Variants in PI4KA observed in about 807,000 individuals in gnomAD.
PI4KA encodes phosphatidylinositol 4-kinase alpha.
A neutral mutation model predicts 271.4 loss-of-function variants in PI4KA; 122 were observed. The ratio of observed to expected loss-of-function variants is 0.45; its 90% CI spans 0.39 to 0.52. The LOEUF (loss-of-function observed/expected upper bound fraction) is 0.52. Among genes scored for constraint, PI4KA ranks in the 20% least tolerant of loss-of-function variants. The pLI is 0.00. For synonymous variants in PI4KA, 1,041 were observed against 1,078.8 expected (o/e 0.96, Z 0.69); for missense variants, 1,969 against 2,769.1 (o/e 0.71, Z 6.48).
At chr22:20,719,654 A>C (rs1407900712) in intron 43 of PI4KA, among the ~76,000 whole-genome samples, 3 of 152,052 alleles carry the variant, frequency 2.0e-5, no homozygotes, top group Admixed American at 2.0e-4. Context: ...AACAAAAAAT[A>C]AATCTTCCAC....
intron 14 of PI4KA, 116 bp downstream of exon 14, chr22:20,801,857 G>A: frequency 8.6e-7 from 1 of 1,166,822 alleles, no homozygotes; most frequent in Non-Finnish European, 1.2e-6. Context: ...CTGCATTCCA[G>A]CCTGGGCAAC....
intron 7 of PI4KA, among the ~76,000 whole-genome samples, chr22:20,815,379 C>CAAAAAA (rs361826): frequency 4.7e-4 from 39 of 83,852 alleles, no homozygotes; most frequent in African/African-American, 6.7e-4. Context: ...GACTGCGTCT[C>CAAAAAA]AAAAAAAAAA....
chr22:20,803,268 G>A lies in PI4KA; in HGVS notation c.1514C>T (p.Pro505Leu), dbSNP rs779385030. ...GATGACCAGGAAGTCTCGCAAGGAC[G>A]GTGTCACAGAGTGCACCACCACCGG... The part of the protein sequence containing the change: ...RFPVVVHSVT[P>L]SLRDFLVIPS... The change falls in exon 13 of 55, where the codon CCG (proline) becomes CTG (leucine). Residue 505 changes from proline (P) to leucine (L), a missense_variant. Pro to Leu is a moderately conservative substitution (Grantham distance 98, BLOSUM62 -3). Around this residue, in one of 13 missense-constraint regions of PI4KA, gnomAD observed 228 missense variants for 261.6 expected, o/e 0.87. Coordinates refer to ENST00000255882, the MANE Select transcript of PI4KA (RefSeq NM_058004.4). The A allele has an allele frequency of 1.8e-5, 29 of 1,614,012 alleles. No homozygotes were observed. Among genetic ancestry groups the A allele is most frequent in the Middle Eastern group, 1.6e-4 (1 of 6,062 alleles).
In PI4KA at chr22:20,742,690, T is replaced by C; in HGVS notation, c.3531A>G (p.Leu1177=). 2 of 1,614,168 alleles carry C rather than the reference T, an allele frequency of 1.2e-6. No homozygotes were observed. Among genetic ancestry groups the C allele is most frequent in the Non-Finnish European group, 1.7e-6 (2 of 1,179,980 alleles). The part of the protein sequence containing the change: ...SDLNKMMVQD[L]HSALDRSHPQ... The stretch of plus-strand genomic sequence containing the variant: ...GATGACTGCGGTCTAAAGCTGAATG[T>C]AGATCCTGGACCATCATTTTGTTCA... Residue 1177 remains leucine (L), a synonymous_variant, in exon 31 of 55, where the codon CTA becomes CTG. Transcript: ENST00000255882.
chr22:20,786,965 G>C (rs1307094838), intron 19 of PI4KA: 8 of 1,614,062 alleles, frequency 5.0e-6, no homozygotes, highest in Admixed American at 3.3e-5. Flanking sequence ...GTCCACCCAA[G>C]TCCGCTTCAC....
rs142318994 is a variant in PI4KA at position 20,834,640 on chromosome 22, C to T, written c.289G>A (p.Val97Ile). 49 of 1,599,900 alleles carry T rather than the reference C, an allele frequency of 3.1e-5. No individual in the cohort carries two copies. Among genetic ancestry groups the T allele is most frequent in the South Asian group, 4.4e-5 (4 of 90,634 alleles). Residue 97 changes from valine (V) to isoleucine (I), a missense_variant, in exon 3 of 55, where the codon GTT becomes ATT. Around this residue, in one of 13 missense-constraint regions of PI4KA, gnomAD observed 540 missense variants for 555.5 expected, o/e 0.97. Coordinates refer to ENST00000255882, the MANE Select transcript of PI4KA (RefSeq NM_058004.4). ...ESDLQHKDCV[V>I]PYLLRLLKGL... The stretch of plus-strand genomic sequence containing the variant: ...TTGAGAAGTCGAAGAAGGTAAGGAA[C>T]CACACAATCTTTGTGCTAAAAAATA...
rs1455283112 is a variant in PI4KA at position 20,744,648 on chromosome 22, G to A, written c.3436C>T (p.Arg1146Cys). The A allele has an allele frequency of 3.7e-6, 6 of 1,613,956 alleles. No homozygotes were observed. The highest frequency in any genetic ancestry group is 1.1e-5 in the South Asian group (1 of 91,076). Residue 1146 changes from arginine (R) to cysteine (C), a missense_variant, in exon 30 of 55, where the codon CGC becomes TGC. By Grantham distance (180) the Arg-to-Cys change is radical. This residue lies in a region of PI4KA where 203 missense variants were observed against 256.8 expected (regional missense o/e 0.79). Transcript: ENST00000255882. ...YSNFMASLNL[R>C]NRYAGEVYGM... ...AGCACCTCGCCCGCGTAGCGGTTGC[G>A]CAGATTCAGGGATGCCATGAAGTTG...
At chr22:20,841,106 C>G (rs1297032284) in intron 1 of PI4KA, among the ~76,000 whole-genome samples, 1 of 152,174 alleles carries the variant, frequency 6.6e-6, no homozygotes, top group Non-Finnish European at 1.5e-5. Flanking sequence ...TCTCGAACTC[C>G]TTATCTCAGG....
chr22:20,783,011 CATATGTAAAAGAGGG>C (rs1361835985), intron 19 of PI4KA, among the ~76,000 whole-genome samples: 2 of 152,138 alleles, frequency 1.3e-5, no homozygotes, highest in Non-Finnish European at 2.9e-5. Flanking sequence ...TCTGTTTCCT[CATATGTAAAAGAGGG>C]ATAACAAAAC....
intron 43 of PI4KA, among the ~76,000 whole-genome samples, chr22:20,720,466 C>A (rs1015936093): frequency 6.6e-6 from 1 of 152,074 alleles, no homozygotes; most frequent in South Asian, 2.1e-4. Flanking sequence ...GCAGGAGGAT[C>A]GCTTAAGCCC....
chr22:20,720,283 T>C (rs987617427), intron 43 of PI4KA, among the ~76,000 whole-genome samples: 23 of 151,952 alleles, frequency 1.5e-4, no homozygotes, highest in Admixed American at 1.1e-3. Flanking sequence ...GCAATTAACC[T>C]TTTTTTTGGC....
At chr22:20,791,555 G>A (rs528249841) in intron 19 of PI4KA, among the ~76,000 whole-genome samples, 11 of 152,066 alleles carry the variant, frequency 7.2e-5, no homozygotes, top group Non-Finnish European at 1.2e-4. Flanking sequence ...TCAGAAGTTC[G>A]AGACAAGCCT....
chr22:20,742,437 C>T (rs1355942330), intron 31 of PI4KA, 82 bp from the exon 32 acceptor site: 1 of 1,572,832 alleles, frequency 6.4e-7, no homozygotes, highest in Admixed American at 1.8e-5. Flanking sequence ...CAAGAGTTGA[C>T]CAGCTGGGGC....
intron 19 of PI4KA, among the ~76,000 whole-genome samples, chr22:20,767,742 C>G (rs1049772301): frequency 1.3e-5 from 2 of 151,846 alleles, no homozygotes; most frequent in Non-Finnish European, 2.9e-5. Flanking sequence ...TAAAGCAATT[C>G]TCCTGCCTCA....
chr22:20,790,146 T>C (rs1033176635), intron 19 of PI4KA, among the ~76,000 whole-genome samples: 6 of 152,096 alleles, frequency 3.9e-5, no homozygotes, highest in Non-Finnish European at 7.4e-5. Flanking sequence ...GGTACAAAGA[T>C]CACCAAATCT....
At position 20,718,746 on chromosome 22, in the gene PI4KA, G is replaced by A. The variant is rs764959459; in HGVS notation, c.5193C>T (p.Tyr1731=). ...TGTTAAAGAAATCAAACTCCCGCTG[G>A]TAAAAGTCCTTCGCTGGGCCGGACA... ...GSLSGPAKDF[Y]QREFDFFNKI... Residue 1731 remains tyrosine (Y), a synonymous_variant, in exon 44 of 55, where the codon TAC becomes TAT. Coordinates refer to ENST00000255882, the MANE Select transcript of PI4KA (RefSeq NM_058004.4). 9 of 1,613,990 alleles carry A rather than the reference G, an allele frequency of 5.6e-6. No individual in the cohort carries two copies. The Admixed American group carries it at 1.5e-4, about 27-fold the overall frequency.
At chr22:20,809,892 G>A (rs1017552470) in intron 9 of PI4KA, among the ~76,000 whole-genome samples, 2 of 152,156 alleles carry the variant, frequency 1.3e-5, no homozygotes, top group South Asian at 2.1e-4. Flanking sequence ...GCAGGGGTAC[G>A]AAGCAGGAAG....
chr22:20,753,056 A>T, intron 24 of PI4KA, 29 bp from the exon 25 acceptor site: 1 of 1,614,230 alleles, frequency 6.2e-7, no homozygotes, highest in Non-Finnish European at 8.5e-7. Context: ...CAGGTACCGC[A>T]GTGCCCCAGA....
At chr22:20,784,136 G>T (rs759919006) in intron 19 of PI4KA, 6 of 1,614,024 alleles carry the variant, frequency 3.7e-6, no homozygotes, top group African/African-American at 1.3e-5. Context: ...ATACGTGGGG[G>T]GCATCAGCAT....
Sources: gnomAD v4.1 joint callset for allele counts (sites outside exome capture counted in the v4.1 genomes callset) on GRCh38, gnomAD v4.1.1 for gene constraint, gnomAD v4.1.1 regional missense constraint, MANE v1.5 for transcripts, NCBI Gene and HGNC (gene_info 2026-07-23, HGNC 2026-07-21) for gene names.